SGIP1: variants seen among roughly 807,000 people sequenced by gnomAD.
SGIP1 encodes SH3-containing GRB2-like protein 3-interacting protein 1.
A neutral mutation model predicts 107.5 loss-of-function variants in SGIP1; 38 were observed. The ratio of observed to expected loss-of-function variants is 0.35; its 90% confidence interval spans 0.27 to 0.46. The LOEUF (loss-of-function observed/expected upper bound fraction) is 0.46. Among genes scored for constraint, SGIP1 ranks in the 20% least tolerant of loss-of-function variants. The pLI, the probability that SGIP1 is intolerant of heterozygous loss-of-function variation, is 1.00. For synonymous variants in SGIP1, 365 were observed against 366.1 expected (o/e 1.00, Z 0.03); for missense variants, 929 against 1,019.5 (o/e 0.91, Z 1.21).
chr1:66,553,206 T>C (rs1400333449), intron 1 of SGIP1, among the ~76,000 whole-genome samples: 2 of 152,088 alleles, frequency 1.3e-5, no homozygotes, highest in African/African-American at 2.4e-5. Context: ...AGTCAGGCAC[T>C]GGGGAATAGA....
chr1:66,681,692 G>A (rs1319450695), intron 14 of SGIP1, among the ~76,000 whole-genome samples, 177 bp from the exon 15 acceptor site: 1 of 152,014 alleles, frequency 6.6e-6, no homozygotes, highest in African/African-American at 2.4e-5. Context: ...CTTTGTGGAG[G>A]GGGGATCTCT....
intron 7 of SGIP1, among the ~76,000 whole-genome samples, chr1:66,646,596 C>T (rs1284368810): frequency 6.6e-6 from 1 of 152,028 alleles, no homozygotes; most frequent in African/African-American, 2.4e-5. Context: ...TTTTATTATA[C>T]TTGAATAGTT....
At chr1:66,642,903 C>G (rs769907555) in intron 6 of SGIP1, 39 bp downstream of exon 6, 2 of 1,519,320 alleles carry the variant, frequency 1.3e-6, no homozygotes, top group Non-Finnish European at 9.0e-7. Flanking sequence ...TTTTCATTCA[C>G]TCTCAGAAAA....
chr1:66,700,412 G>A (rs1332433285), intron 18 of SGIP1, among the ~76,000 whole-genome samples: 1 of 150,336 alleles, frequency 6.7e-6, no homozygotes, highest in Non-Finnish European at 1.5e-5. Context: ...TCAAACTCTG[G>A]CCACCTAGCC....
intron 1 of SGIP1, among the ~76,000 whole-genome samples, chr1:66,550,815 A>T (rs2057292228): frequency 6.6e-6 from 1 of 152,136 alleles, no homozygotes; most frequent in African/African-American, 2.4e-5. Context: ...TTAGGACTTG[A>T]ACTCATCTGA....
At chr1:66,578,674 A>G (rs567083674) in intron 1 of SGIP1, among the ~76,000 whole-genome samples, 2 of 151,296 alleles carry the variant, frequency 1.3e-5, no homozygotes, top group African/African-American at 4.9e-5. Flanking sequence ...GGTTCAAGGT[A>G]TTTTTTTTTC....
At chr1:66,639,722 C>A in intron 4 of SGIP1, 55 bp from the exon 5 acceptor site, 1 of 1,377,274 alleles carries the variant, frequency 7.3e-7, no homozygotes, top group South Asian at 1.2e-5. Flanking sequence ...GTTCTTTGTC[C>A]CTTTGTTTTT....
chr1:66,553,215 G>T (rs2057692132), intron 1 of SGIP1, among the ~76,000 whole-genome samples: 2 of 152,140 alleles, frequency 1.3e-5, no homozygotes, highest in South Asian at 4.1e-4. Context: ...CTGGGGAATA[G>T]ATGATAACTT....
At chr1:66,658,329 G>A (rs2080201252) in intron 7 of SGIP1, among the ~76,000 whole-genome samples, 1 of 152,158 alleles carries the variant, frequency 6.6e-6, no homozygotes, top group South Asian at 2.1e-4. Flanking sequence ...CTACACTAAT[G>A]TTGTACAAAG....
chr1:66,547,382 A>C (rs1049321835), intron 1 of SGIP1, among the ~76,000 whole-genome samples: 6 of 152,194 alleles, frequency 3.9e-5, no homozygotes, highest in African/African-American at 1.4e-4. Context: ...AGTGTGTTCA[A>C]CTGAAATCTA....
At position 66,727,897 on chromosome 1, in the gene SGIP1, G is replaced by A. The variant is rs1572325354; in HGVS notation, c.1743-1367G>A. The stretch of plus-strand genomic sequence containing the variant: ...GTGGGAGAGATTACAAAAAGGGATT[G>A]CAAAAAAGCATAAGAAAACTTTCAG... On this transcript the variant is annotated intron_variant, in intron 19 of 24. Coordinates refer to ENST00000371037, the MANE Select transcript of SGIP1 (RefSeq NM_032291.4). Among the ~76,000 whole-genome samples the A allele has an allele frequency of 2.3e-5, 3 of 128,166 alleles. No individual in the cohort carries two copies. The South Asian group carries it at 6.6e-4, about 28-fold the overall frequency. The allele number at this position is 128,166 out of a possible 152,430, so 84.1% of individuals were successfully genotyped here. A position where few individuals can be genotyped will look rare whatever the true frequency, so the allele number is the denominator to read the frequency against.
At chr1:66,590,335 G>T (rs1437932623) in intron 1 of SGIP1, 1 of 152,160 alleles carries the variant, frequency 6.6e-6, no homozygotes, top group African/African-American at 2.4e-5. Flanking sequence ...GTTTGATTAA[G>T]GAAGTCCTTT....
At chr1:66,593,094 C>T (rs1054448781) in intron 1 of SGIP1, among the ~76,000 whole-genome samples, 4 of 151,722 alleles carry the variant, frequency 2.6e-5, no homozygotes, top group Non-Finnish European at 2.9e-5. Context: ...TGCATTTAAG[C>T]TTATTCCATG....
chr1:66,685,510 G>A (rs1429173711), intron 15 of SGIP1, among the ~76,000 whole-genome samples: 2 of 152,134 alleles, frequency 1.3e-5, no homozygotes, highest in Admixed American at 6.6e-5. Context: ...CATGTTTGAG[G>A]GCCAGGGAAA....
At chr1:66,575,684 T>C (rs2060966183) in intron 1 of SGIP1, among the ~76,000 whole-genome samples, 1 of 152,210 alleles carries the variant, frequency 6.6e-6, no homozygotes, top group South Asian at 2.1e-4. Context: ...TAACGCTGTA[T>C]ACCCTAAATT....
At chr1:66,614,219 A>G (rs1219057780) in intron 1 of SGIP1, among the ~76,000 whole-genome samples, 1 of 152,248 alleles carries the variant, frequency 6.6e-6, no homozygotes, top group Non-Finnish European at 1.5e-5. Context: ...TTCTGAAGGG[A>G]TGGCTTAATA....
intron 1 of SGIP1, among the ~76,000 whole-genome samples, chr1:66,590,878 C>T (rs2063507473): frequency 6.6e-6 from 1 of 152,176 alleles, no homozygotes; most frequent in Admixed American, 6.5e-5. Context: ...ATCCACTGCA[C>T]CTGGCATATA....
chr1:66,652,095 T>A (rs2078874653), intron 7 of SGIP1, among the ~76,000 whole-genome samples: 1 of 152,118 alleles, frequency 6.6e-6, no homozygotes, highest in Non-Finnish European at 1.5e-5. Flanking sequence ...GAACACAGGC[T>A]TTTGAGTATA....
At chr1:66,740,914 C>T (rs893748196) in intron 23 of SGIP1, among the ~76,000 whole-genome samples, 192 bp downstream of exon 23, 1 of 152,174 alleles carries the variant, frequency 6.6e-6, no homozygotes, top group Admixed American at 6.6e-5. Context: ...TTTCTACAGA[C>T]TCCACATCAA....
Sources: gnomAD v4.1 joint callset for allele counts (sites outside exome capture counted in the v4.1 genomes callset) on GRCh38, gnomAD v4.1.1 for gene constraint, MANE v1.5 for transcripts, NCBI Gene and HGNC (gene_info 2026-07-23, HGNC 2026-07-21) for gene names.